Variants in ETAA1 observed in about 807,000 individuals in gnomAD.
ETAA1 encodes the protein ewing's tumor-associated antigen 1.
ETAA1 carries 49 observed loss-of-function variants against 76.8 expected under a neutral mutation model. That is an observed-to-expected ratio of 0.64 (90% CI 0.51 to 0.81). The LOEUF (loss-of-function observed/expected upper bound fraction) is 0.81, where lower values mean the gene tolerates loss of function less well. ETAA1 is among the 30% of genes least tolerant of loss of function. The pLI, the probability that ETAA1 is intolerant of heterozygous loss-of-function variation, is 0.00. For missense variants in ETAA1, 1,099 were observed against 1,074.0 expected (o/e 1.02, Z -0.32); for synonymous variants, 373 against 372.2 (o/e 1.00, Z -0.03).
Position 67,403,728 on chromosome 2 carries a change from C to A in ETAA1, c.1046C>A (p.Thr349Lys). Reference sequence around the variant, plus strand: ...CGATCACTTTCTTCTCAAGTAGATACACCCATAATGACAAAATCATGTGTG... The same window carrying A: ...CGATCACTTTCTTCTCAAGTAGATAAACCCATAATGACAAAATCATGTGTG... The part of the protein sequence containing the change: ...TPRSLSSQVD[T>K]PIMTKSCVTS... Residue 349 changes from threonine to lysine, a missense_variant, in exon 5 of 6, where the codon ACA becomes AAA. Physicochemically the swap from Thr to Lys is moderately conservative, Grantham distance 78 (BLOSUM62 -1). Coordinates refer to ENST00000272342, the MANE Select transcript of ETAA1 (RefSeq NM_019002.4). The A allele has an allele frequency of 6.2e-7, 1 of 1,613,448 alleles. No homozygotes were observed. The highest frequency in any genetic ancestry group is 1.1e-5 in the South Asian group (1 of 91,066).
At chr2:67,402,699 C>T (rs1676088540) in intron 3 of ETAA1, 163 bp from the exon 4 acceptor site, 1 of 347,256 alleles carries the variant, frequency 2.9e-6, no homozygotes, top group Non-Finnish European at 5.2e-6. Context: ...TATCTCCCAA[C>T]TTCCTATTGT....
chr2:67,397,734 A>G, intron 1 of ETAA1, 63 bp downstream of exon 1: 1 of 1,483,576 alleles, frequency 6.7e-7, no homozygotes, highest in East Asian at 2.5e-5. Context: ...CCCAGCTTGC[A>G]ACAGGGAAAT....
Position 67,404,259 on chromosome 2 carries a change from C to A in ETAA1, c.1577C>A (p.Thr526Lys). Reference protein sequence around the residue: ...EASERKSALNTRYSNEQKNKC... With the variant: ...EASERKSALNKRYSNEQKNKC... ...TCTGAAAGGAAGTCAGCTTTGAACA[C>A]AAGGTATTCTAATGAACAGAAAAAT... Residue 526 changes from threonine to lysine, a missense_variant, in exon 5 of 6, where the codon ACA becomes AAA. Physicochemically the swap from Thr to Lys is moderately conservative, Grantham distance 78 (BLOSUM62 -1). This residue lies in a region of ETAA1 where 761 missense variants were observed against 731.9 expected (regional missense o/e 1.04). Transcript: ENST00000272342. The A allele has an allele frequency of 1.2e-5, 19 of 1,612,346 alleles. No individual in the cohort carries two copies. Among genetic ancestry groups the A allele is most frequent in the Non-Finnish European group, 1.6e-5 (19 of 1,179,198 alleles).
At position 67,397,847 on chromosome 2, in the gene ETAA1, C is replaced by CG. The variant is rs530757738; in HGVS notation, c.223+177dup. On this transcript the variant is annotated intron_variant, in intron 1 of 5. Coordinates refer to ENST00000272342, the MANE Select transcript of ETAA1 (RefSeq NM_019002.4). ...CCACTCCCCGATGGGCTTTTGTCCC[C>CG]GAACTTCAGCACTACCCCGTTAGGT... is the stretch of plus-strand genomic sequence containing the variant. Among the ~76,000 whole-genome samples, 37 of 152,290 alleles carry CG rather than the reference C, an allele frequency of 2.4e-4. No homozygotes were observed. In the South Asian group the frequency reaches 6.0e-3, roughly 25 times the overall value.
intron 3 of ETAA1, chr2:67,401,707 T>C (rs1368125286): frequency 6.6e-6 from 1 of 151,934 alleles, no homozygotes; most frequent in Non-Finnish European, 1.5e-5. Flanking sequence ...AAAATTACTT[T>C]TGTAAATGGC....
At chr2:67,406,875 A>AATATG (rs1676235541) in intron 5 of ETAA1, among the ~76,000 whole-genome samples, 1 of 152,042 alleles carries the variant, frequency 6.6e-6, no homozygotes, top group Admixed American at 6.6e-5. Context: ...AGTCCTGTTA[A>AATATG]TGACTATGTG....
intron 1 of ETAA1, among the ~76,000 whole-genome samples, chr2:67,398,494 C>A (rs941904471): frequency 6.6e-6 from 1 of 151,876 alleles, no homozygotes; most frequent in East Asian, 1.9e-4. Context: ...TGCCACCTCG[C>A]CCGGCTAATT....
intron 5 of ETAA1, among the ~76,000 whole-genome samples, chr2:67,406,960 A>G (rs567862127): frequency 2.0e-5 from 3 of 152,184 alleles, no homozygotes; most frequent in Admixed American, 6.6e-5. Context: ...GTCTTTTGCA[A>G]TTACAAACAA....
At position 67,410,099 on chromosome 2, in the gene ETAA1, A is replaced by T. The variant is rs1676334020; in HGVS notation, c.*61A>T. On this transcript the variant is annotated 3_prime_UTR_variant, in exon 6 of 6. Coordinates refer to ENST00000272342, the MANE Select transcript of ETAA1 (RefSeq NM_019002.4). ...GATAACTATCTGTGATTGATAGGAA[A>T]TTTTTTTTCTTGATTTCTCTGTGAG... The T allele has an allele frequency of 4.0e-6, 6 of 1,500,636 alleles. No individual in the cohort carries two copies. Among genetic ancestry groups the T allele is most frequent in the African/African-American group, 1.4e-5 (1 of 69,336 alleles). The allele number at this position is 1,500,636 out of a possible 1,614,324, so 93.0% of individuals were successfully genotyped here.
At position 67,404,739 on chromosome 2, in the gene ETAA1, G is replaced by T. The variant is rs553512156; in HGVS notation, c.2057G>T (p.Gly686Val). The T allele has an allele frequency of 1.9e-6, 3 of 1,613,374 alleles. No individual in the cohort carries two copies. Among genetic ancestry groups the T allele is most frequent in the Non-Finnish European group, 2.5e-6 (3 of 1,179,540 alleles). Residue 686 changes from glycine (G) to valine (V), a missense_variant, in exon 5 of 6, where the codon GGA becomes GTA. Coordinates refer to ENST00000272342, the MANE Select transcript of ETAA1 (RefSeq NM_019002.4). ...AKNMFAISKQ[G>V]SNLVQSKHLN... ...AACATGTTTGCTATATCTAAACAAGGAAGTAATTTGGTACAATCAAAGCAT... is the reference window on the plus strand; with the variant it reads ...AACATGTTTGCTATATCTAAACAAGTAAGTAATTTGGTACAATCAAAGCAT...
chr2:67,408,212 T>C (rs1412853967), intron 5 of ETAA1, among the ~76,000 whole-genome samples: 1 of 152,126 alleles, frequency 6.6e-6, no homozygotes, highest in Non-Finnish European at 1.5e-5. Context: ...CTCACTTAAC[T>C]CCCACATTTA....
rs542387483 is a variant in ETAA1, at chr2:67,407,287, G to A, written c.2653+1952G>A. On this transcript the variant is annotated intron_variant, in intron 5 of 5. Coordinates refer to ENST00000272342, the MANE Select transcript of ETAA1 (RefSeq NM_019002.4). ...AAAAATCACAAAAGAATCTCATAAT[G>A]TTGTAAAAAAGTTTATGAATTTGTG... Among the ~76,000 whole-genome samples the A allele has an allele frequency of 1.1e-4, 16 of 150,632 alleles. No homozygotes were observed. The South Asian group carries it at 3.2e-3, about 30-fold the overall frequency.
At chr2:67,402,688 C>G in intron 3 of ETAA1, 174 bp from the exon 4 acceptor site, 2 of 326,016 alleles carry the variant, frequency 6.1e-6, no homozygotes, top group Non-Finnish European at 1.1e-5. Flanking sequence ...CTTATTATTG[C>G]TATCTCCCAA....
chr2:67,407,208 C>T (rs1288280994), intron 5 of ETAA1, among the ~76,000 whole-genome samples: 2 of 142,716 alleles, frequency 1.4e-5, no homozygotes, highest in African/African-American at 5.3e-5. Flanking sequence ...TCTTGGATCA[C>T]ACATAAGATA....
chr2:67,397,510 TGGC>T lies in ETAA1; in HGVS notation c.68_70del (p.Ala23del). On this transcript the variant is annotated inframe_deletion, in exon 1 of 6. Coordinates refer to ENST00000272342, the MANE Select transcript of ETAA1 (RefSeq NM_019002.4). The stretch of plus-strand genomic sequence containing the variant: ...CCGAAGAAAACGCCGCACAAAACAG[TGGC>T]GGCGGAGGAATGCGGCTCGGTGGTC... The T allele has an allele frequency of 6.3e-7, 1 of 1,598,416 alleles. No individual in the cohort carries two copies. The highest frequency in any genetic ancestry group is 1.3e-5 in the African/African-American group (1 of 74,158).
chr2:67,408,614 T>G (rs2103760866), intron 5 of ETAA1, among the ~76,000 whole-genome samples: 1 of 152,274 alleles, frequency 6.6e-6, no homozygotes, highest in Admixed American at 6.5e-5. Context: ...TTTACAATAT[T>G]TTAAGACTTC....
At chr2:67,399,715 C>A in intron 3 of ETAA1, 89 bp downstream of exon 3, 1 of 837,812 alleles carries the variant, frequency 1.2e-6, no homozygotes, top group Non-Finnish European at 1.8e-6. Flanking sequence ...AAAGTATTGT[C>A]TATTATAATT....
At chr2:67,408,936 G>C (rs1033714827) in intron 5 of ETAA1, among the ~76,000 whole-genome samples, 11 of 151,946 alleles carry the variant, frequency 7.2e-5, no homozygotes, top group African/African-American at 2.7e-4. Flanking sequence ...AGTATCTTCT[G>C]GTGTCTCTCT....
In ETAA1 at chr2:67,402,937, G is replaced by C. The variant is rs761530789; in HGVS notation, c.505G>C (p.Ala169Pro). 1.2e-5 allele frequency: 20 copies of C among 1,606,576 alleles called. No individual in the cohort carries two copies. Among genetic ancestry groups the C allele is most frequent in the Non-Finnish European group, 1.7e-5 (20 of 1,176,404 alleles). Residue 169 changes from alanine to proline, a missense_variant, in exon 4 of 6, where the codon GCA becomes CCA. Coordinates refer to ENST00000272342, the MANE Select transcript of ETAA1 (RefSeq NM_019002.4). ...TGCTATTCCTTGTACTCCCAGTGTA[G>C]CAAAAGGAAAATCAAGAGCAAAAAT... ...ETAIPCTPSV[A>P]KGKSRAKISC...
Sources: allele counts gnomAD v4.1 joint callset (sites outside exome capture counted in the v4.1 genomes callset), GRCh38; gene constraint gnomAD v4.1.1; regional missense constraint gnomAD v4.1.1; transcripts MANE v1.5; gene names NCBI Gene and HGNC (gene_info 2026-07-23, HGNC 2026-07-21).